GFRA1: variants seen among roughly 807,000 people sequenced by gnomAD.
GFRA1 encodes GDNF family receptor alpha 1.
In GFRA1, 16 loss-of-function variants were observed where a neutral mutation model predicts 51.6. That is an observed-to-expected ratio of 0.31 (90% CI 0.21 to 0.47). The LOEUF is 0.47. Ranked by LOEUF, GFRA1 falls within the 20% of genes least tolerant of loss-of-function variation. The pLI is 1.00. For missense variants in GFRA1, 530 were observed against 594.3 expected (o/e 0.89, Z 1.13); for synonymous variants, 270 against 241.3 (o/e 1.12, Z -1.10).
rs758150740 is a variant in GFRA1, at chr10:116,063,144, T to G, written c.*1254A>C. On this transcript the variant is annotated 3_prime_UTR_variant, in exon 11 of 11. Coordinates refer to ENST00000355422, the MANE Select transcript of GFRA1 (RefSeq NM_005264.8). Reference sequence around the variant, plus strand: ...AAAGAAAGGAGAACCTGCCCATGCCTCCATGTCCCAATCAAAGCTGCCTTT... The same window carrying G: ...AAAGAAAGGAGAACCTGCCCATGCCGCCATGTCCCAATCAAAGCTGCCTTT... The G allele has an allele frequency of 6.6e-6, 1 of 152,230 alleles. No homozygotes were observed. The highest frequency in any genetic ancestry group is 2.4e-5 in the African/African-American group (1 of 41,446). The allele number at this position is 152,230 out of a possible 1,614,324, so 9.4% of individuals were successfully genotyped here.
At chr10:116,218,277 C>T (rs1965697135) in intron 4 of GFRA1, among the ~76,000 whole-genome samples, 1 of 152,162 alleles carries the variant, frequency 6.6e-6, no homozygotes, top group Non-Finnish European at 1.5e-5. Flanking sequence ...CTAGCCCTTT[C>T]CTGGGCTTTG....
At chr10:116,086,788 C>A (rs963499266) in intron 9 of GFRA1, among the ~76,000 whole-genome samples, 1 of 152,136 alleles carries the variant, frequency 6.6e-6, no homozygotes, top group Admixed American at 6.6e-5. Flanking sequence ...TAAACAGCAG[C>A]CCAGAGATAA....
intron 4 of GFRA1, among the ~76,000 whole-genome samples, chr10:116,249,490 A>G (rs1036240202): frequency 6.6e-6 from 1 of 152,138 alleles, no homozygotes; most frequent in African/African-American, 2.4e-5. Context: ...ATACGTCCTA[A>G]GTGCTGACAA....
At chr10:116,104,495 T>C (rs1029527302) in intron 6 of GFRA1, among the ~76,000 whole-genome samples, 3 of 152,214 alleles carry the variant, frequency 2.0e-5, no homozygotes, top group African/African-American at 7.2e-5. Flanking sequence ...CAAAGCTTCA[T>C]GGGCTGAGAA....
At chr10:116,091,794 C>T (rs1269518730) in intron 8 of GFRA1, among the ~76,000 whole-genome samples, 1 of 152,160 alleles carries the variant, frequency 6.6e-6, no homozygotes, top group African/African-American at 2.4e-5. Flanking sequence ...CTCTGTGCCC[C>T]ATCTAGTCAT....
chr10:116,187,713 G>C (rs1032397836), intron 5 of GFRA1, among the ~76,000 whole-genome samples: 3 of 152,138 alleles, frequency 2.0e-5, no homozygotes, highest in Non-Finnish European at 4.4e-5. Flanking sequence ...AAGGCACAAA[G>C]AAAGCATCCA....
At chr10:116,234,429 T>C (rs376528166) in intron 4 of GFRA1, among the ~76,000 whole-genome samples, 3 of 152,254 alleles carry the variant, frequency 2.0e-5, no homozygotes, top group South Asian at 4.1e-4. Context: ...TTTGAATCCA[T>C]AGAATATAGC....
intron 7 of GFRA1, 24 bp from the exon 8 acceptor site, chr10:116,093,860 T>G: frequency 6.2e-7 from 1 of 1,612,838 alleles, no homozygotes; most frequent in Non-Finnish European, 8.5e-7. Context: ...AACAAGGCAT[T>G]TTATTGTTGT....
At chr10:116,152,773 C>T (rs764687024) in intron 5 of GFRA1, among the ~76,000 whole-genome samples, 1 of 152,196 alleles carries the variant, frequency 6.6e-6, no homozygotes, top group Non-Finnish European at 1.5e-5. Context: ...AACTCACACA[C>T]ATTTGTGACC....
At chr10:116,137,887 C>T (rs929817742) in intron 5 of GFRA1, among the ~76,000 whole-genome samples, 2 of 152,120 alleles carry the variant, frequency 1.3e-5, no homozygotes, top group African/African-American at 4.8e-5. Flanking sequence ...CTGCAACCTC[C>T]ACTTCCAGGG....
At chr10:116,248,456 G>T (rs1968052008) in intron 4 of GFRA1, among the ~76,000 whole-genome samples, 1 of 152,154 alleles carries the variant, frequency 6.6e-6, no homozygotes, top group Non-Finnish European at 1.5e-5. Flanking sequence ...ATCTCCAACA[G>T]GCCCCACAAC....
chr10:116,095,508 G>C (rs1956533479), intron 7 of GFRA1, among the ~76,000 whole-genome samples: 1 of 152,154 alleles, frequency 6.6e-6, no homozygotes, highest in East Asian at 1.9e-4. Flanking sequence ...TGCAAGTTTG[G>C]AGTATTGGCT....
intron 4 of GFRA1, among the ~76,000 whole-genome samples, chr10:116,257,664 A>G (rs1231951274): frequency 6.6e-6 from 1 of 152,182 alleles, no homozygotes; most frequent in African/African-American, 2.4e-5. Context: ...TGCTTTTATG[A>G]CACAAAACTA....
intron 4 of GFRA1, among the ~76,000 whole-genome samples, chr10:116,231,156 A>G (rs1302032150): frequency 6.6e-6 from 1 of 152,212 alleles, no homozygotes; most frequent in African/African-American, 2.4e-5. Flanking sequence ...CTTTAAGCCG[A>G]TGCCTGAAAA....
At chr10:116,096,313 C>T (rs993886503) in intron 7 of GFRA1, among the ~76,000 whole-genome samples, 3 of 152,184 alleles carry the variant, frequency 2.0e-5, no homozygotes, top group Non-Finnish European at 2.9e-5. Context: ...TTGTTTGACT[C>T]GCTTTCTTCT....
upstream of GFRA1, among the ~76,000 whole-genome samples, chr10:116,274,402 A>C (rs1158739437): frequency 1.3e-5 from 2 of 152,226 alleles, no homozygotes; most frequent in Non-Finnish European, 1.5e-5. Context: ...GAGGACAGAC[A>C]AGAATGGCTC....
In GFRA1 at chr10:116,133,902, C is replaced by T. The variant is rs189990920; in HGVS notation, c.434-8345G>A. ...TAAATTCCTCTGGAGCAAGGAACTG[C>T]CTTTATCTCAAATACAATCCTCACA... On this transcript the variant is annotated intron_variant, in intron 5 of 10. Coordinates refer to ENST00000355422, the MANE Select transcript of GFRA1 (RefSeq NM_005264.8). Among the ~76,000 whole-genome samples the T allele has an allele frequency of 2.6e-4, 39 of 152,294 alleles. 1 individual carries two copies. Among genetic ancestry groups the T allele is most frequent in the Non-Finnish European group, 5.1e-4 (35 of 68,032 alleles).
At chr10:116,126,000 A>C (rs1449819612) in intron 5 of GFRA1, among the ~76,000 whole-genome samples, 9 of 152,240 alleles carry the variant, frequency 5.9e-5, no homozygotes, top group Admixed American at 5.9e-4. Context: ...AAATGCATAT[A>C]GTACATGCTA....
chr10:116,191,923 A>T (rs765517512), intron 5 of GFRA1, among the ~76,000 whole-genome samples: 3 of 152,182 alleles, frequency 2.0e-5, no homozygotes, highest in Non-Finnish European at 4.4e-5. Flanking sequence ...GCTACTATGG[A>T]GGCTGAGACA....
Sources: allele counts gnomAD v4.1 joint callset (sites outside exome capture counted in the v4.1 genomes callset), GRCh38; gene constraint gnomAD v4.1.1; transcripts MANE v1.5; gene names NCBI Gene and HGNC (gene_info 2026-07-23, HGNC 2026-07-21).